The following SLC26A8 variants were observed in gnomAD, a reference collection of about 807,000 sequenced individuals.
SLC26A8 encodes testis anion transporter 1.
Under a neutral mutation model 105.0 loss-of-function variants are expected in SLC26A8, and 70 were observed. The observed-to-expected ratio is 0.67, with a 90% CI of 0.55 to 0.81. The LOEUF is 0.81. SLC26A8 is among the 40% of genes least tolerant of loss of function. The pLI is 0.00. For synonymous variants in SLC26A8, 415 were observed against 438.3 expected (o/e 0.95, Z 0.66); for missense variants, 998 against 1,181.8 (o/e 0.84, Z 2.28).
At chr6:35,970,638 A>G (rs932444439) in intron 10 of SLC26A8, among the ~76,000 whole-genome samples, 1 of 152,220 alleles carries the variant, frequency 6.6e-6, no homozygotes, top group African/African-American at 2.4e-5. Context: ...GGAAATCTAT[A>G]TCAGGCCTTT....
Position 36,012,336 on chromosome 6 carries a change from T to A in SLC26A8, c.225A>T (p.Thr75=). Residue 75 remains threonine, a synonymous_variant, in exon 3 of 20, where the codon ACA becomes ACT. Transcript: ENST00000490799. ...SWHRFLRCVL[T]IFPFLEWMCM... ...ACATCCATTCTAGGAAGGGAAAGAT[T>A]GTAAGCACGCATCGTAGGAACCTGT... The A allele has an allele frequency of 6.2e-7, 1 of 1,605,686 alleles. No homozygotes were observed. Among genetic ancestry groups the A allele is most frequent in the Non-Finnish European group, 8.5e-7 (1 of 1,177,204 alleles).
At position 35,986,024 on chromosome 6, in the gene SLC26A8, C is replaced by CTTT. The variant is rs34715373; in HGVS notation, c.943-3824_943-3822dup. On this transcript the variant is annotated intron_variant, in intron 7 of 19. Transcript: ENST00000490799. ...TAGATGCATTACTTCACATATACAT[C>CTTT]TTTTTTTTTTTTTTTTTTTTTTTTT... Among the ~76,000 whole-genome samples the CTTT allele has an allele frequency of 7.4e-4, 53 of 71,376 alleles. 6 individuals carry two copies. Among genetic ancestry groups the CTTT allele is most frequent in the Middle Eastern group, 0.012 (1 of 84 alleles). The allele number at this position is 71,376 out of a possible 152,430, so 46.8% of individuals were successfully genotyped here. A position where few individuals can be genotyped will look rare whatever the true frequency, so the allele number is the denominator to read the frequency against.
At position 35,968,958 on chromosome 6, in the gene SLC26A8, A is replaced by G; in HGVS notation, c.1288-4T>C. The G allele has an allele frequency of 6.2e-7, 1 of 1,611,454 alleles. No homozygotes were observed. The highest frequency in any genetic ancestry group is 8.5e-7 in the Non-Finnish European group (1 of 1,178,830). On this transcript the variant is annotated splice_region_variant and splice_polypyrimidine_tract_variant and intron_variant, in intron 10 of 19. Coordinates refer to ENST00000490799, the MANE Select transcript of SLC26A8 (RefSeq NM_052961.4). ...CTGCGCCTACCAGAGATGCAAACTG[A>G]GGAGACAGAGCCAGTTGGAGAGAAA...
chr6:35,944,384 C>T (rs1229797317), intron 19 of SLC26A8, 44 bp from the exon 20 acceptor site: 1 of 1,422,182 alleles, frequency 7.0e-7, no homozygotes. Flanking sequence ...TTAAATTTAA[C>T]CTTCTGCTGA....
intron 16 of SLC26A8, among the ~76,000 whole-genome samples, chr6:35,958,744 G>A (rs533204489): frequency 2.0e-5 from 3 of 152,272 alleles, no homozygotes; most frequent in South Asian, 2.1e-4. Context: ...GGGGGAGGAT[G>A]TAAATCTTTG....
chr6:35,946,123 C>G (rs1210857468), intron 19 of SLC26A8, among the ~76,000 whole-genome samples: 1 of 152,170 alleles, frequency 6.6e-6, no homozygotes, highest in Non-Finnish European at 1.5e-5. Flanking sequence ...CATCTATATG[C>G]TGATGCTGAT....
intron 1 of SLC26A8, 149 bp downstream of exon 1, chr6:36,024,355 C>T: frequency 2.3e-6 from 1 of 429,946 alleles, no homozygotes; most frequent in Non-Finnish European, 4.6e-6. Context: ...CCAGGGACGA[C>T]CATCATTCAT....
chr6:36,003,486 T>C (rs1480045855), intron 3 of SLC26A8, among the ~76,000 whole-genome samples: 1 of 152,164 alleles, frequency 6.6e-6, no homozygotes, highest in Admixed American at 6.5e-5. Flanking sequence ...TATTGTGAAA[T>C]ATAACATGCA....
Position 36,019,687 on chromosome 6 carries a change from G to C in SLC26A8, c.21C>G (p.Ser7Arg), listed in dbSNP as rs116551877. MAQLERSAISGFSSKSR... is the reference protein window; with the variant it reads MAQLERRAISGFSSKSR... Reference sequence around the variant, plus strand: ...ACTTAGAGCTGAAGCCAGAGATGGCGCTCCTCTCTAGTTGTGCCATTCCTG... The same window carrying C: ...ACTTAGAGCTGAAGCCAGAGATGGCCCTCCTCTCTAGTTGTGCCATTCCTG... Residue 7 changes from serine (S) to arginine (R), a missense_variant, in exon 2 of 20, where the codon AGC becomes AGG. Ser to Arg is a moderately radical substitution (Grantham distance 110). Coordinates refer to ENST00000490799, the MANE Select transcript of SLC26A8 (RefSeq NM_052961.4). The C allele has an allele frequency of 6.2e-7, 1 of 1,613,478 alleles. No homozygotes were observed. The highest frequency in any genetic ancestry group is 8.5e-7 in the Non-Finnish European group (1 of 1,179,644).
intron 2 of SLC26A8, among the ~76,000 whole-genome samples, chr6:36,017,211 A>AAG (rs61523544): frequency 3.3e-4 from 5 of 15,328 alleles, no homozygotes; most frequent in African/African-American, 1.2e-3. Flanking sequence ...GGAAGGAAGG[A>AAG]GAAAAGAAAA....
intron 5 of SLC26A8, 59 bp from the exon 6 acceptor site, chr6:35,992,733 A>G (rs1366234467): frequency 1.3e-6 from 2 of 1,497,030 alleles, no homozygotes; most frequent in Non-Finnish European, 1.8e-6. Flanking sequence ...AATGGCACCA[A>G]TGGCACTCTC....
chr6:36,000,889 T>C (rs1761501098), intron 3 of SLC26A8, among the ~76,000 whole-genome samples: 1 of 152,214 alleles, frequency 6.6e-6, no homozygotes, highest in South Asian at 2.1e-4. Context: ...CAACAATGGT[T>C]AACCCATAAC....
chr6:35,945,250 C>T (rs971684643), intron 19 of SLC26A8, among the ~76,000 whole-genome samples: 13 of 152,226 alleles, frequency 8.5e-5, no homozygotes, highest in African/African-American at 3.1e-4. Flanking sequence ...TCTGGTTTCT[C>T]AGTTACTCAC....
intron 5 of SLC26A8, among the ~76,000 whole-genome samples, chr6:35,994,222 C>T (rs1265192749): frequency 6.7e-6 from 1 of 148,564 alleles, no homozygotes; most frequent in Admixed American, 6.9e-5. Context: ...TCACGCCATT[C>T]TCCTGCCTCA....
chr6:36,003,172 A>G (rs918991466), intron 3 of SLC26A8, among the ~76,000 whole-genome samples: 6 of 152,160 alleles, frequency 3.9e-5, no homozygotes, highest in Non-Finnish European at 7.4e-5. Context: ...TTATTCCAAA[A>G]TGTCTTTTTT....
rs2127349514 is a variant in SLC26A8 at position 35,992,646 on chromosome 6, A to T, written c.656T>A (p.Phe219Tyr). ...QLIMGVLGLG[F>Y]IATYLPESAM... The stretch of plus-strand genomic sequence containing the variant: ...AGACTCCGGAAGGTAAGTGGCAATG[A>T]AGCCCAAACCCAATACGCCCATTAT... The change falls in exon 6 of 20, where the codon TTC (phenylalanine) becomes TAC (tyrosine). Residue 219 changes from phenylalanine (F) to tyrosine (Y), a missense_variant. Coordinates refer to ENST00000490799, the MANE Select transcript of SLC26A8 (RefSeq NM_052961.4). 6.2e-7 allele frequency: 1 copy of T among 1,613,418 alleles called. No individual in the cohort carries two copies. Among genetic ancestry groups the T allele is most frequent in the Non-Finnish European group, 8.5e-7 (1 of 1,179,734 alleles).
intron 4 of SLC26A8, among the ~76,000 whole-genome samples, chr6:35,999,235 A>T (rs1761451780): frequency 6.6e-6 from 1 of 152,126 alleles, no homozygotes; most frequent in Non-Finnish European, 1.5e-5. Flanking sequence ...TCACGTCTGG[A>T]AGGATGGGAT....
chr6:35,975,573 T>TA, intron 9 of SLC26A8, 85 bp from the exon 10 acceptor site: 5 of 705,254 alleles, frequency 7.1e-6, no homozygotes, highest in African/African-American at 1.8e-5. Flanking sequence ...TTTTTTTTTT[T>TA]TATATGAAGA....
chr6:36,023,184 T>A (rs1214015173), intron 1 of SLC26A8, among the ~76,000 whole-genome samples: 1 of 151,242 alleles, frequency 6.6e-6, no homozygotes, highest in Admixed American at 6.6e-5. Context: ...CATCCATCCA[T>A]CCATCCATCC....
Sources: allele counts gnomAD v4.1 joint callset (sites outside exome capture counted in the v4.1 genomes callset), GRCh38; gene constraint gnomAD v4.1.1; transcripts MANE v1.5; gene names NCBI Gene and HGNC (gene_info 2026-07-23, HGNC 2026-07-21).